The following MACROD2 variants were observed in gnomAD, a reference collection of about 807,000 sequenced individuals.
MACROD2 encodes the protein mono-ADP ribosylhydrolase 2.
Under a neutral mutation model 70.4 loss-of-function variants are expected in MACROD2, and 36 were observed. That is an observed-to-expected ratio of 0.51 (90% CI 0.39 to 0.68). The LOEUF is 0.68. Among genes scored for constraint, MACROD2 ranks in the 30% least tolerant of loss-of-function variants. The pLI, the probability that MACROD2 is intolerant of heterozygous loss-of-function variation, is 0.00. For synonymous variants in MACROD2, 172 were observed against 178.8 expected, an observed-to-expected ratio of 0.96 and a Z score of 0.30; for missense variants, 496 against 538.4, an observed-to-expected ratio of 0.92 and a Z score of 0.78.
intron 5 of MACROD2, among the ~76,000 whole-genome samples, chr20:14,826,433 C>G (rs535152136): frequency 1.3e-5 from 2 of 152,084 alleles, no homozygotes; most frequent in East Asian, 3.9e-4. Context: ...TGTGTATTTT[C>G]AATTTGTTTT....
chr20:14,923,453 T>G (rs2074188302), intron 5 of MACROD2, among the ~76,000 whole-genome samples: 2 of 152,064 alleles, frequency 1.3e-5, no homozygotes, highest in African/African-American at 4.8e-5. Flanking sequence ...ATCACAACAC[T>G]TACTTTCAAA....
At chr20:14,820,225 A>C (rs2072825431) in intron 5 of MACROD2, among the ~76,000 whole-genome samples, 2 of 152,202 alleles carry the variant, frequency 1.3e-5, no homozygotes, top group Admixed American at 1.3e-4. Flanking sequence ...GACTGCCTAC[A>C]TAGAAAGCCT....
At chr20:15,360,160 A>G (rs1434117030) in intron 6 of MACROD2, among the ~76,000 whole-genome samples, 2 of 152,182 alleles carry the variant, frequency 1.3e-5, no homozygotes, top group Non-Finnish European at 2.9e-5. Flanking sequence ...AGAGAGATCC[A>G]TCCAAGATGT....
intron 4 of MACROD2, among the ~76,000 whole-genome samples, chr20:14,504,038 A>G (rs1303338996): frequency 6.6e-6 from 1 of 152,228 alleles, no homozygotes; most frequent in African/African-American, 2.4e-5. Context: ...CTGTGTCTCC[A>G]TCAAAGTCAG....
chr20:14,669,360 A>G (rs978844234), intron 4 of MACROD2, among the ~76,000 whole-genome samples: 1 of 152,190 alleles, frequency 6.6e-6, no homozygotes, highest in East Asian at 1.9e-4. Flanking sequence ...CAGGCTTTTC[A>G]AAACCATTTT....
intron 8 of MACROD2, among the ~76,000 whole-genome samples, chr20:15,738,549 T>G (rs1009844254): frequency 6.6e-6 from 1 of 151,020 alleles, no homozygotes; most frequent in African/African-American, 2.4e-5. Flanking sequence ...TAGAGAAGAG[T>G]GAAGGTAATA....
Position 14,326,426 on chromosome 20 carries a change from C to G in MACROD2, c.272-167053C>G, listed in dbSNP as rs776024502. 14 of 1,613,796 alleles carry G rather than the reference C, an allele frequency of 8.7e-6. No individual in the cohort carries two copies. The highest frequency in any genetic ancestry group is 1.3e-5 in the African/African-American group (1 of 74,874). On this transcript the variant is annotated intron_variant, in intron 3 of 17. Coordinates refer to ENST00000684519, the MANE Select transcript of MACROD2 (RefSeq NM_001351661.2). This position sits in a 1 kb window ranked among gnomAD's most constrained non-coding sequence, Gnocchi z 5.5. ...GCAGTGGTTATCTGAATGGTGCTTA[C>G]AATCCCACTGTCCTTACAATCAAAC...
rs181446497 is a variant in MACROD2, at chr20:14,714,843, G to A, written c.418+29884G>A. Among the ~76,000 whole-genome samples, 45 of 152,208 alleles carry A rather than the reference G, an allele frequency of 3.0e-4. 1 individual carries two copies. Among genetic ancestry groups the A allele is most frequent in the Admixed American group, 2.6e-3 (40 of 15,284 alleles). ...CCTTTGCAGCTTTTATTACATGTGC[G>A]GTTTCACCACTTATCTAATAGTTAA... is the stretch of plus-strand genomic sequence containing the variant. On this transcript the variant is annotated intron_variant, in intron 5 of 17. Coordinates refer to ENST00000684519, the MANE Select transcript of MACROD2 (RefSeq NM_001351661.2).
At chr20:15,950,725 G>A (rs569169720) in intron 12 of MACROD2, among the ~76,000 whole-genome samples, 2 of 152,218 alleles carry the variant, frequency 1.3e-5, no homozygotes, top group African/African-American at 4.8e-5. Context: ...CATCTTTGAT[G>A]ATATTAATAA....
chr20:15,477,342 A>G (rs2047036789), intron 7 of MACROD2, among the ~76,000 whole-genome samples: 1 of 151,998 alleles, frequency 6.6e-6, no homozygotes, highest in Non-Finnish European at 1.5e-5. Context: ...TGATCCTTCT[A>G]CACATATTTT....
chr20:15,768,215 T>G (rs777291264), intron 8 of MACROD2, among the ~76,000 whole-genome samples: 1 of 152,044 alleles, frequency 6.6e-6, no homozygotes, highest in Non-Finnish European at 1.5e-5. Flanking sequence ...TGTTATGCAG[T>G]TTCATCATTG....
intron 8 of MACROD2, among the ~76,000 whole-genome samples, chr20:15,635,841 G>T (rs988048625): frequency 1.2e-4 from 18 of 151,944 alleles, no homozygotes; most frequent in Non-Finnish European, 2.6e-4. Context: ...GCCGAGGCAG[G>T]CGGATCACCT....
rs556148499 is a variant in MACROD2, at chr20:14,772,375, A to G, written c.418+87416A>G. On this transcript the variant is annotated intron_variant, in intron 5 of 17. Coordinates refer to ENST00000684519, the MANE Select transcript of MACROD2 (RefSeq NM_001351661.2). The stretch of plus-strand genomic sequence containing the variant: ...TACCCGAGACTGGGAAGTTTATATA[A>G]GAAAGAGGTTTAACTGGACTTACAG... Among the ~76,000 whole-genome samples the G allele has an allele frequency of 1.8e-4, 28 of 152,222 alleles. 1 individual carries two copies. The highest frequency in any genetic ancestry group is 6.5e-4 in the African/African-American group (27 of 41,502).
intron 6 of MACROD2, among the ~76,000 whole-genome samples, chr20:15,317,507 ATCTATCTATCTATCTATCTG>A (rs1202879545): frequency 6.8e-6 from 1 of 147,310 alleles, no homozygotes; most frequent in Non-Finnish European, 1.5e-5. Context: ...CTATCTATCT[ATCTATCTATCTATCTATCTG>A]TCTATCTATC....
intron 5 of MACROD2, among the ~76,000 whole-genome samples, chr20:15,145,189 A>T (rs1601136484): frequency 6.6e-6 from 1 of 152,302 alleles, no homozygotes; most frequent in Admixed American, 6.5e-5. Flanking sequence ...GTATTCACAG[A>T]TGACATTTGG....
At chr20:15,085,224 T>C (rs1028560252) in intron 5 of MACROD2, among the ~76,000 whole-genome samples, 1 of 152,002 alleles carries the variant, frequency 6.6e-6, no homozygotes, top group Non-Finnish European at 1.5e-5. Context: ...TCTCACATCA[T>C]ATATAAAAAT....
intron 5 of MACROD2, among the ~76,000 whole-genome samples, chr20:14,843,367 G>T (rs1292056416): frequency 6.6e-6 from 1 of 151,560 alleles, no homozygotes; most frequent in African/African-American, 2.4e-5. Context: ...TACCCATACA[G>T]TAGTATATGC....
intron 4 of MACROD2, among the ~76,000 whole-genome samples, chr20:14,580,142 T>C (rs1166532289): frequency 6.6e-6 from 1 of 152,146 alleles, no homozygotes; most frequent in African/African-American, 2.4e-5. Context: ...TAAGTACAAA[T>C]AGTCTAGTTG....
intron 3 of MACROD2, among the ~76,000 whole-genome samples, chr20:14,126,150 T>A (rs2054646981): frequency 6.6e-6 from 1 of 152,198 alleles, no homozygotes; most frequent in Non-Finnish European, 1.5e-5. Flanking sequence ...TTTCTCACAG[T>A]TCTGAAGGGT....
Sources: gnomAD v4.1 joint callset for allele counts (sites outside exome capture counted in the v4.1 genomes callset) on GRCh38, gnomAD v4.1.1 for gene constraint, Gnocchi (gnomAD v3.1) non-coding constraint, MANE v1.5 for transcripts, NCBI Gene and HGNC (gene_info 2026-07-23, HGNC 2026-07-21) for gene names.